Variants in COL28A1 observed in about 807,000 individuals in gnomAD.
The protein encoded by COL28A1 is collagen type XXVIII alpha 1 chain.
COL28A1 carries 161 observed loss-of-function variants against 150.2 expected under a neutral mutation model. That is an observed-to-expected ratio of 1.07 (90% CI 0.94 to 1.22). The LOEUF (loss-of-function observed/expected upper bound fraction) is 1.22. Among genes scored for constraint, COL28A1 ranks in the 50% most tolerant of loss-of-function variants. The probability of loss-of-function intolerance (pLI) is 0.00; values close to 1 mark genes in which losing one functional copy is unlikely to be tolerated. For synonymous variants in COL28A1, 552 were observed against 469.7 expected (o/e 1.18, Z -2.26); for missense variants, 1,617 against 1,388.3 (o/e 1.16, Z -2.62).
intron 27 of COL28A1, among the ~76,000 whole-genome samples, chr7:7,390,990 T>C (rs535897399): frequency 6.6e-6 from 1 of 152,346 alleles, no homozygotes; most frequent in South Asian, 2.1e-4. Context: ...AGTTCTGCTC[T>C]GATCTTAGTT....
intron 11 of COL28A1, among the ~76,000 whole-genome samples, chr7:7,502,198 C>A (rs1780571310): frequency 1.3e-5 from 2 of 152,162 alleles, no homozygotes; most frequent in Admixed American, 6.5e-5. Context: ...CTGCGCCTGG[C>A]TGAGATGTTC....
the COL28A1 span, among the ~76,000 whole-genome samples, chr7:7,542,154 C>T: frequency 6.6e-6 from 1 of 152,164 alleles, no homozygotes; most frequent in East Asian, 1.9e-4. Flanking sequence ...TCAAGGCCAT[C>T]CTGGCCAACA....
chr7:7,492,297 G>A (rs1276349908), intron 11 of COL28A1, among the ~76,000 whole-genome samples: 6 of 151,972 alleles, frequency 3.9e-5, no homozygotes, highest in East Asian at 1.9e-4. Context: ...GTCTGTAACC[G>A]ATGTGGTGGC....
chr7:7,443,636 C>T lies in COL28A1; in HGVS notation c.1599G>A (p.Pro533=), dbSNP rs562367478. The change falls in exon 20 of 35, where the codon CCG becomes CCA. Residue 533 remains proline (P), a synonymous_variant. Coordinates refer to ENST00000399429, the MANE Select transcript of COL28A1 (RefSeq NM_001037763.3). ...GTGGTCCTTCTGGGCCTCTTGCTCC[C>T]GGAAGCCCCGCTTCTCCCTAGAGAA... The part of the protein sequence containing the change: ...AAGKKGEAGL[P]GARGPEGPPG... 16 of 1,614,058 alleles carry T rather than the reference C, an allele frequency of 9.9e-6. No individual in the cohort carries two copies. Among genetic ancestry groups the T allele is most frequent in the East Asian group, 4.5e-5 (2 of 44,878 alleles).
chr7:7,413,711 C>T (rs11974156), intron 27 of COL28A1, among the ~76,000 whole-genome samples: 2,241 of 152,284 alleles, frequency 0.015, 51 homozygotes, highest in African/African-American at 0.051. Flanking sequence ...CAGGAACACA[C>T]ACATTGTACT....
intron 14 of COL28A1, 36 bp from the exon 15 acceptor site, chr7:7,474,705 C>A (rs751555242): frequency 4.4e-6 from 4 of 901,552 alleles, no homozygotes; most frequent in Non-Finnish European, 7.5e-6. Context: ...ATGCACCAAC[C>A]AAAATCTGAA....
chr7:7,358,857 T>A (rs780123869), intron 34 of COL28A1, 52 bp from the exon 35 acceptor site: 1 of 1,443,516 alleles, frequency 6.9e-7, no homozygotes. Flanking sequence ...ACTGAAGACA[T>A]GAAAAATAAA....
At chr7:7,432,259 G>C (rs561615964) in intron 25 of COL28A1, among the ~76,000 whole-genome samples, 4 of 152,140 alleles carry the variant, frequency 2.6e-5, no homozygotes, top group Non-Finnish European at 4.4e-5. Context: ...AAAGGAATGC[G>C]AGTTGCTATC....
Position 7,456,061 on chromosome 7 carries a change from C to A in COL28A1, c.1354G>T (p.Gly452Trp), listed in dbSNP as rs115462979. The A allele has an allele frequency of 3.1e-4, 494 of 1,613,840 alleles. 1 individual carries two copies. The African/African-American group carries it at 4.6e-3, about 15-fold the overall frequency. ...TTAATTACCTGTTCCCCTTGACTCC[C>A]GATTCCAGGGATACCCATTGGTCCT... is the stretch of plus-strand genomic sequence containing the variant. ...PQGPMGIPGI[G>W]SQGEQGIQGP... The change falls in exon 16 of 35, where the codon GGG (glycine) becomes TGG (tryptophan). Residue 452 changes from glycine to tryptophan, a missense_variant. Physicochemically the swap from Gly to Trp is radical, Grantham distance 184. Coordinates refer to ENST00000399429, the MANE Select transcript of COL28A1 (RefSeq NM_001037763.3).
rs557541128 is a variant in COL28A1, at chr7:7,396,821, T to A, written c.2137-15209A>T. On this transcript the variant is annotated intron_variant, in intron 27 of 34. Coordinates refer to ENST00000399429, the MANE Select transcript of COL28A1 (RefSeq NM_001037763.3). ...GTCTGGTGAAAGGCAGAGAAATAGT[T>A]GACCTTTTATAGATGCAGGGACTGA... Among the ~76,000 whole-genome samples, 5 of 152,308 alleles carry A rather than the reference T, an allele frequency of 3.3e-5. No homozygotes were observed. In the South Asian group the frequency reaches 1.0e-3, roughly 32 times the overall value.
intron 34 of COL28A1, among the ~76,000 whole-genome samples, chr7:7,359,409 G>A (rs888968403): frequency 6.6e-6 from 1 of 152,036 alleles, no homozygotes; most frequent in Admixed American, 6.6e-5. Flanking sequence ...TTGTCTTATC[G>A]TAGAAATACA....
At chr7:7,494,405 G>A (rs914106081) in intron 11 of COL28A1, among the ~76,000 whole-genome samples, 3 of 152,080 alleles carry the variant, frequency 2.0e-5, no homozygotes, top group Admixed American at 6.6e-5. Flanking sequence ...GAATCATTTG[G>A]TCTTGTAGAA....
upstream of COL28A1, among the ~76,000 whole-genome samples, chr7:7,540,420 G>T (rs1429028626): frequency 1.3e-5 from 2 of 152,202 alleles, no homozygotes; most frequent in Non-Finnish European, 2.9e-5. Context: ...ACAAACAATA[G>T]TGTTAAATCT....
chr7:7,389,771 A>G (rs1782423192), intron 27 of COL28A1, among the ~76,000 whole-genome samples: 1 of 152,086 alleles, frequency 6.6e-6, no homozygotes, highest in Non-Finnish European at 1.5e-5. Context: ...TGTGAATGGG[A>G]GTTCACTCAT....
chr7:7,513,421 G>A (rs1170368825), intron 8 of COL28A1, among the ~76,000 whole-genome samples: 1 of 152,194 alleles, frequency 6.6e-6, no homozygotes, highest in Middle Eastern at 3.2e-3. Context: ...CTAGGGTACT[G>A]CCTGGGCTCT....
intron 1 of COL28A1, 23 bp from the exon 2 acceptor site, chr7:7,532,935 A>T: frequency 1.3e-6 from 2 of 1,485,826 alleles, no homozygotes; most frequent in Non-Finnish European, 1.8e-6. Flanking sequence ...AGTCAGTTAC[A>T]AATACTTTAA....
chr7:7,517,906 T>C, intron 6 of COL28A1, 69 bp from the exon 7 acceptor site: 2 of 1,598,328 alleles, frequency 1.3e-6, no homozygotes, highest in South Asian at 1.1e-5. Context: ...ATAAAATGCA[T>C]TATACAGAAG....
At chr7:7,436,305 C>T in intron 23 of COL28A1, 90 bp downstream of exon 23, 1 of 811,070 alleles carries the variant, frequency 1.2e-6, no homozygotes, top group Non-Finnish European at 2.2e-6. Flanking sequence ...AATGTAGAAA[C>T]CTCACAAGTA....
intron 7 of COL28A1, 44 bp downstream of exon 7, chr7:7,517,752 C>T (rs1419318908): frequency 6.2e-7 from 1 of 1,612,048 alleles, no homozygotes; most frequent in Non-Finnish European, 8.5e-7. Context: ...AAATCAGTAA[C>T]CTAGGATCAC....
Sources: allele counts gnomAD v4.1 joint callset (sites outside exome capture counted in the v4.1 genomes callset), GRCh38; gene constraint gnomAD v4.1.1; transcripts MANE v1.5; gene names NCBI Gene and HGNC (gene_info 2026-07-23, HGNC 2026-07-21).